SESN1: variants seen among roughly 807,000 people sequenced by gnomAD.
SESN1 encodes sestrin-1.
SESN1 carries 30 observed loss-of-function variants against 59.3 expected under a neutral mutation model. That is an observed-to-expected ratio of 0.51 (90% confidence interval 0.38 to 0.69). The LOEUF is 0.69. SESN1 is among the 30% of genes least tolerant of loss of function. The pLI is 0.00. For synonymous variants in SESN1, 197 were observed against 219.9 expected, an observed-to-expected ratio of 0.90 and a Z score of 0.92; for missense variants, 566 against 673.0, an observed-to-expected ratio of 0.84 and a Z score of 1.76.
intron 1 of SESN1, among the ~76,000 whole-genome samples, chr6:109,058,418 C>T (rs533092972): frequency 9.8e-5 from 15 of 152,292 alleles, no homozygotes; most frequent in Middle Eastern, 3.4e-3. Context: ...ATATAGCCTA[C>T]GTGTGCAGTA....
chr6:109,079,194 G>GAAAAAA (rs200879750), intron 1 of SESN1, among the ~76,000 whole-genome samples: 4 of 144,066 alleles, frequency 2.8e-5, no homozygotes, highest in Admixed American at 1.4e-4. Flanking sequence ...GTGCTAAACT[G>GAAAAAA]AAAAAAAAAA....
intron 1 of SESN1, among the ~76,000 whole-genome samples, chr6:109,011,248 T>C (rs1779852779): frequency 6.6e-6 from 1 of 152,258 alleles, no homozygotes; most frequent in Non-Finnish European, 1.5e-5. Flanking sequence ...TATAGTAGGC[T>C]GATACTTAGT....
chr6:109,047,340 A>T (rs1251842084), intron 1 of SESN1, among the ~76,000 whole-genome samples: 1 of 122,932 alleles, frequency 8.1e-6, no homozygotes, highest in Admixed American at 7.8e-5. Flanking sequence ...TCCGGGAGGG[A>T]GGTGGGGGGG....
rs1374730203 is a variant in SESN1 at position 109,046,768 on chromosome 6, G to C, written c.280-44425C>G. On this transcript the variant is annotated intron_variant, in intron 1 of 9. Transcript: ENST00000436639. ...TGGGTTGTGAGGAGTGCCTCTGCCC[G>C]GCCGAGACCCCGTCTGGGAGGTGAG... 3.6e-5 allele frequency among the ~76,000 whole-genome samples: 5 copies of C among 137,850 alleles called. No individual in the cohort carries two copies. The East Asian group carries it at 6.5e-4, about 18-fold the overall frequency. The allele number at this position is 137,850 out of a possible 152,430, so 90.4% of individuals were successfully genotyped here. A position where few individuals can be genotyped will look rare whatever the true frequency, so the allele number is the denominator to read the frequency against.
chr6:109,053,091 T>C (rs1031784782), intron 1 of SESN1, among the ~76,000 whole-genome samples: 2 of 151,832 alleles, frequency 1.3e-5, no homozygotes, highest in Non-Finnish European at 2.9e-5. Context: ...CAGCAGGGAA[T>C]TGGGGGTAGG....
intron 1 of SESN1, among the ~76,000 whole-genome samples, chr6:109,090,307 C>T (rs1781290524): frequency 1.3e-5 from 2 of 152,086 alleles, no homozygotes; most frequent in South Asian, 4.1e-4. Context: ...TGATGGACCC[C>T]CATATGCAAC....
chr6:109,070,873 A>T (rs1174357246), intron 1 of SESN1, among the ~76,000 whole-genome samples: 3 of 152,194 alleles, frequency 2.0e-5, no homozygotes. Context: ...TATCTTCCCT[A>T]AGTGATACTG....
intron 1 of SESN1, among the ~76,000 whole-genome samples, chr6:109,085,346 C>T (rs186935827): frequency 2.0e-5 from 3 of 152,032 alleles, no homozygotes; most frequent in African/African-American, 7.2e-5. Flanking sequence ...GGTGAAATCC[C>T]GTCTCTACTA....
At chr6:109,026,819 G>A (rs1780101894) in intron 1 of SESN1, among the ~76,000 whole-genome samples, 1 of 152,026 alleles carries the variant, frequency 6.6e-6, no homozygotes, top group South Asian at 2.1e-4. Flanking sequence ...AACTTCTTAA[G>A]TAACTGCCAA....
chr6:109,035,508 T>C (rs368534813), intron 1 of SESN1, among the ~76,000 whole-genome samples: 1 of 150,816 alleles, frequency 6.6e-6, no homozygotes, highest in African/African-American at 2.4e-5. Context: ...TGTTCAGGAC[T>C]CTTGGGGACA....
At chr6:109,012,897 CA>C (rs1779883342) in intron 1 of SESN1, among the ~76,000 whole-genome samples, 1 of 151,918 alleles carries the variant, frequency 6.6e-6, no homozygotes, top group Non-Finnish European at 1.5e-5. Flanking sequence ...GGGCGGATCA[CA>C]AGGTCAGGAG....
chr6:108,992,203 A>G (rs891128627), intron 7 of SESN1, among the ~76,000 whole-genome samples: 10 of 152,156 alleles, frequency 6.6e-5, no homozygotes, highest in African/African-American at 2.4e-4. Context: ...GGCTCAAGTG[A>G]TCTTCCCACC....
In SESN1 at chr6:108,986,452, A is replaced by G. The variant is rs1353506940; in HGVS notation, c.*1092T>C. 2 of 152,660 alleles carry G rather than the reference A, an allele frequency of 1.3e-5. No individual in the cohort carries two copies. The highest frequency in any genetic ancestry group is 4.8e-5 in the African/African-American group (2 of 41,460). The allele number at this position is 152,660 out of a possible 1,614,324, so 9.5% of individuals were successfully genotyped here. On this transcript the variant is annotated 3_prime_UTR_variant, in exon 10 of 10. Transcript: ENST00000436639. ...AGACAGCAAATAAAATTGGAGAAAA[A>G]TTCTTCTTTATTTAAAAATACCAGT... is the stretch of plus-strand genomic sequence containing the variant.
In SESN1 at chr6:108,990,709, C is replaced by T; in HGVS notation, c.1360G>A (p.Asp454Asn). The T allele has an allele frequency of 6.2e-7, 1 of 1,614,120 alleles. No individual in the cohort carries two copies. The highest frequency in any genetic ancestry group is 8.5e-7 in the Non-Finnish European group (1 of 1,180,010). The change falls in exon 8 of 10, where the codon GAT (aspartate) becomes AAT (asparagine). Residue 454 changes from aspartate (D) to asparagine (N), a missense_variant. Coordinates refer to ENST00000436639, the MANE Select transcript of SESN1 (RefSeq NM_014454.3). Reference sequence around the variant, plus strand: ...CGTCTAAGCATTGAGGTATCAACATCTTTGTGCATTGCCATTGTATTATAA... The same window carrying T: ...CGTCTAAGCATTGAGGTATCAACATTTTTGTGCATTGCCATTGTATTATAA... Reference protein sequence around the residue: ...LTYNTMAMHKDVDTSMLRRAI... With the variant: ...LTYNTMAMHKNVDTSMLRRAI...
intron 1 of SESN1, among the ~76,000 whole-genome samples, chr6:109,083,831 A>C (rs1305219556): frequency 1.3e-5 from 2 of 152,228 alleles, no homozygotes; most frequent in Non-Finnish European, 2.9e-5. Flanking sequence ...GATTGGAAGA[A>C]TGTCTTGCTG....
intron 1 of SESN1, among the ~76,000 whole-genome samples, chr6:109,091,977 C>T (rs1296513349): frequency 1.3e-5 from 2 of 152,146 alleles, no homozygotes; most frequent in Admixed American, 6.5e-5. Context: ...TCATAGCCTT[C>T]CTATGGGAGA....
intron 1 of SESN1, among the ~76,000 whole-genome samples, chr6:109,039,103 GAGA>G (rs906800132): frequency 7.4e-5 from 11 of 149,104 alleles, no homozygotes; most frequent in Non-Finnish European, 4.5e-5. Flanking sequence ...AAGGAGGGAG[GAGA>G]AGGAGAAGGA....
chr6:109,036,172 G>A (rs544761548), intron 1 of SESN1, among the ~76,000 whole-genome samples: 2 of 152,246 alleles, frequency 1.3e-5, no homozygotes, highest in East Asian at 3.9e-4. Flanking sequence ...AGGGAGTGTT[G>A]TTGGAATTCT....
intron 1 of SESN1, among the ~76,000 whole-genome samples, chr6:109,010,574 A>G (rs6568555): frequency 0.1 from 15,229 of 152,226 alleles, 924 homozygotes; most frequent in Middle Eastern, 0.19. Flanking sequence ...TCTCAGTGAA[A>G]ACTAAGTTAC....
Sources: allele counts gnomAD v4.1 joint callset (sites outside exome capture counted in the v4.1 genomes callset), GRCh38; gene constraint gnomAD v4.1.1; transcripts MANE v1.5; gene names NCBI Gene and HGNC (gene_info 2026-07-23, HGNC 2026-07-21).